Variants in SPAG16 observed in about 807,000 individuals in gnomAD.
SPAG16 encodes sperm associated antigen 16, also known as sperm-associated antigen 16 protein.
In SPAG16, 86 loss-of-function variants were observed where a neutral mutation model predicts 80.4. The observed-to-expected ratio is 1.07, with a 90% CI of 0.90 to 1.28. The LOEUF (loss-of-function observed/expected upper bound fraction) is 1.28, where lower values mean the gene tolerates loss of function less well. Among genes scored for constraint, SPAG16 ranks in the 50% most tolerant of loss-of-function variants. The pLI is 0.00. For synonymous variants in SPAG16, 294 were observed against 265.9 expected (o/e 1.11, Z -1.03); for missense variants, 870 against 765.3 (o/e 1.14, Z -1.61).
intron 15 of SPAG16, among the ~76,000 whole-genome samples, chr2:214,366,844 A>G (rs1699510055): frequency 6.6e-6 from 1 of 151,564 alleles, no homozygotes; most frequent in South Asian, 2.1e-4. Context: ...AGCTTGATAT[A>G]GTTGAAAAAA....
chr2:213,593,130 AG>A (rs1410064385), intron 10 of SPAG16, among the ~76,000 whole-genome samples: 1 of 152,178 alleles, frequency 6.6e-6, no homozygotes, highest in Admixed American at 6.5e-5. Context: ...TTCAAAGATT[AG>A]CCAATGTCTT....
intron 12 of SPAG16, among the ~76,000 whole-genome samples, chr2:213,955,461 T>C: frequency 6.6e-6 from 1 of 152,192 alleles, no homozygotes; most frequent in Non-Finnish European, 1.5e-5. Context: ...CCTTGACTTG[T>C]TGGGGTACGC....
chr2:213,449,618 C>A (rs1267034704), intron 9 of SPAG16, among the ~76,000 whole-genome samples: 2 of 152,096 alleles, frequency 1.3e-5, no homozygotes, highest in Non-Finnish European at 2.9e-5. Context: ...AAAGAACCTA[C>A]CTTGAAATAT....
Position 213,588,670 on chromosome 2 carries a change from C to T in SPAG16, c.1070+98580C>T, listed in dbSNP as rs533405918. Among the ~76,000 whole-genome samples, 842 of 151,116 alleles carry T rather than the reference C, an allele frequency of 5.6e-3. 9 individuals are homozygous for T. The highest frequency in any genetic ancestry group is 0.019 in the African/African-American group (787 of 41,380). ...ACAAAAAATCAGCCGGGCGCGGTGG[C>T]GGGCGCCTGTAGTCCCAGCTACTCG... On this transcript the variant is annotated intron_variant, in intron 10 of 15. Transcript: ENST00000331683.
At chr2:213,616,314 A>G (rs1319030269) in intron 10 of SPAG16, among the ~76,000 whole-genome samples, 1 of 152,234 alleles carries the variant, frequency 6.6e-6, no homozygotes, top group East Asian at 1.9e-4. Flanking sequence ...ATTATACTAT[A>G]AATTAATGTG....
chr2:214,228,021 A>G (rs776808338), intron 15 of SPAG16, among the ~76,000 whole-genome samples: 63 of 152,078 alleles, frequency 4.1e-4, no homozygotes, highest in Non-Finnish European at 7.7e-4. Flanking sequence ...TATTAACAAG[A>G]AAATAATTGA....
intron 15 of SPAG16, among the ~76,000 whole-genome samples, chr2:214,271,106 A>C (rs2125892415): frequency 6.6e-6 from 1 of 152,288 alleles, no homozygotes; most frequent in Admixed American, 6.5e-5. Flanking sequence ...GTAAAGTATA[A>C]TTCTGATACT....
Position 214,345,570 on chromosome 2 carries a change from A to C in SPAG16, c.1721-64570A>C, listed in dbSNP as rs1007183586. On this transcript the variant is annotated intron_variant, in intron 15 of 15. Coordinates refer to ENST00000331683, the MANE Select transcript of SPAG16 (RefSeq NM_024532.5). ...AAGACAACTATTACTTGCATCAAAA[A>C]TGTTGAAACCCGAAAGTTCTCTGAA... 2.0e-5 allele frequency among the ~76,000 whole-genome samples: 3 copies of C among 152,264 alleles called. No individual in the cohort carries two copies. The East Asian group carries it at 5.8e-4, about 29-fold the overall frequency.
intron 10 of SPAG16, among the ~76,000 whole-genome samples, chr2:213,771,317 A>C (rs6726965): frequency 9.9e-4 from 150 of 151,934 alleles, no homozygotes; most frequent in African/African-American, 3.2e-3. Context: ...TTTCCTTGTA[A>C]ATTTGTTTAA....
intron 11 of SPAG16, among the ~76,000 whole-genome samples, chr2:213,875,680 A>G (rs1034188725): frequency 3.9e-5 from 6 of 152,184 alleles, no homozygotes; most frequent in African/African-American, 1.4e-4. Context: ...CATTTTCAGG[A>G]TCTGAATACT....
intron 15 of SPAG16, among the ~76,000 whole-genome samples, chr2:214,149,862 T>A (rs1224998608): frequency 3.3e-5 from 5 of 152,074 alleles, no homozygotes; most frequent in African/African-American, 4.8e-5. Context: ...AGGAATAGTG[T>A]AGCAGCTGAT....
chr2:213,896,008 G>A (rs571552087), intron 11 of SPAG16, among the ~76,000 whole-genome samples: 1 of 152,178 alleles, frequency 6.6e-6, no homozygotes, highest in African/African-American at 2.4e-5. Context: ...ACAAAGTGAA[G>A]AGACAACCCA....
rs147673354 is a variant in SPAG16, at chr2:214,172,504, C to T, written c.1720+23238C>T. 4.4e-3 allele frequency among the ~76,000 whole-genome samples: 671 copies of T among 152,070 alleles called. 3 individuals are homozygous for T. Among genetic ancestry groups the T allele is most frequent in the African/African-American group, 0.015 (614 of 41,512 alleles). On this transcript the variant is annotated intron_variant, in intron 15 of 15. Coordinates refer to ENST00000331683, the MANE Select transcript of SPAG16 (RefSeq NM_024532.5). ...TTTTCTTAATACAGTCTATCATTGA[C>T]GGACATTTGGGTTGGTTCCAAGTCT...
intron 10 of SPAG16, among the ~76,000 whole-genome samples, chr2:213,609,287 C>T (rs2061366915): frequency 6.6e-6 from 1 of 152,156 alleles, no homozygotes; most frequent in South Asian, 2.1e-4. Context: ...CTATTTCTAA[C>T]CATTTCACTT....
chr2:213,768,496 G>A (rs1283431604), intron 10 of SPAG16, among the ~76,000 whole-genome samples: 1 of 152,162 alleles, frequency 6.6e-6, no homozygotes, highest in East Asian at 1.9e-4. Context: ...ATGAATACAA[G>A]TAAATCTTTA....
At chr2:214,288,716 A>G (rs1285838073) in intron 15 of SPAG16, among the ~76,000 whole-genome samples, 1 of 151,602 alleles carries the variant, frequency 6.6e-6, no homozygotes, top group Non-Finnish European at 1.5e-5. Flanking sequence ...CCACTTGATC[A>G]TTTCTTTTTG....
intron 15 of SPAG16, among the ~76,000 whole-genome samples, chr2:214,294,187 T>C (rs1335864009): frequency 6.6e-6 from 1 of 152,190 alleles, no homozygotes; most frequent in Non-Finnish European, 1.5e-5. Context: ...TGTAGGCAGC[T>C]CCCTATGTTA....
intron 11 of SPAG16, among the ~76,000 whole-genome samples, chr2:213,898,275 C>T (rs188761169): frequency 9.3e-4 from 142 of 152,246 alleles, no homozygotes; most frequent in African/African-American, 3.1e-3. Context: ...TCCAGAACAA[C>T]TAAGAGCCAT....
At chr2:213,295,148 T>G (rs1406029021) in intron 1 of SPAG16, among the ~76,000 whole-genome samples, 3 of 152,160 alleles carry the variant, frequency 2.0e-5, no homozygotes, top group Non-Finnish European at 4.4e-5. Context: ...TCTTTGATTT[T>G]CATAACCATT....
Sources: gnomAD v4.1 joint callset for allele counts (sites outside exome capture counted in the v4.1 genomes callset) on GRCh38, gnomAD v4.1.1 for gene constraint, MANE v1.5 for transcripts, NCBI Gene and HGNC (gene_info 2026-07-23, HGNC 2026-07-21) for gene names.